Variants in HSPA4 observed in about 807,000 individuals in gnomAD.
The protein encoded by HSPA4 is heat shock 70 kDa protein 4.
A neutral mutation model predicts 106.2 loss-of-function variants in HSPA4; 25 were observed. That is an observed-to-expected ratio of 0.24 (90% CI 0.17 to 0.33). HSPA4 has a LOEUF of 0.33. HSPA4 is among the 10% of genes least tolerant of loss of function. HSPA4 has a pLI of 1.00. For synonymous variants in HSPA4, 332 were observed against 333.6 expected, an observed-to-expected ratio of 1.00 and a Z score of 0.05; for missense variants, 841 against 996.0, an observed-to-expected ratio of 0.84 and a Z score of 2.10.
At chr5:133,091,409 C>A in intron 12 of HSPA4, 35 bp downstream of exon 12, 2 of 1,518,072 alleles carry the variant, frequency 1.3e-6, no homozygotes, top group Admixed American at 3.7e-5. Flanking sequence ...TGTGATGGCC[C>A]AGAGGTGACT....
intron 7 of HSPA4, among the ~76,000 whole-genome samples, chr5:133,085,489 T>TTAAAAAAAAAAAAAAAAAAAAAAAAAAA (rs1554089513): frequency 9.1e-6 from 1 of 110,284 alleles, no homozygotes; most frequent in African/African-American, 5.0e-5. Flanking sequence ...CCATCTCTAC[T>TTAAAAAAAAAAAAAAAAAAAAAAAAAAA]AAAAAAAAAA....
At chr5:133,081,220 G>A (rs978156793) in intron 7 of HSPA4, among the ~76,000 whole-genome samples, 4 of 152,098 alleles carry the variant, frequency 2.6e-5, no homozygotes, top group East Asian at 1.9e-4. Flanking sequence ...GCTAATTTTC[G>A]TATTTTTAGT....
chr5:133,082,758 G>T (rs1400432196), intron 7 of HSPA4, among the ~76,000 whole-genome samples: 1 of 152,150 alleles, frequency 6.6e-6, no homozygotes. Context: ...ACCTCACCCG[G>T]ACGGGAATTA....
intron 15 of HSPA4, 99 bp downstream of exon 15, chr5:133,097,385 T>G (rs558586392): frequency 1.9e-6 from 2 of 1,046,646 alleles, no homozygotes; most frequent in East Asian, 2.5e-5. Flanking sequence ...ATAGTAGAAT[T>G]ATTAAAAATG....
At chr5:133,071,676 A>G (rs565769451) in intron 4 of HSPA4, among the ~76,000 whole-genome samples, 2 of 152,240 alleles carry the variant, frequency 1.3e-5, no homozygotes, top group African/African-American at 4.8e-5. Flanking sequence ...ATGTTGGTGC[A>G]TTGATTGGCA....
chr5:133,103,399 C>T (rs960034670), intron 17 of HSPA4, among the ~76,000 whole-genome samples: 10 of 151,722 alleles, frequency 6.6e-5, no homozygotes, highest in African/African-American at 1.2e-4. Context: ...GATGTAGTCT[C>T]GCTCTGTTGC....
chr5:133,081,756 A>G (rs1209457705), intron 7 of HSPA4, among the ~76,000 whole-genome samples: 1 of 152,190 alleles, frequency 6.6e-6, no homozygotes, highest in African/African-American at 2.4e-5. Context: ...GGCATATTTC[A>G]TTACCTAGTT....
At chr5:133,066,422 T>G (rs924983776) in intron 2 of HSPA4, among the ~76,000 whole-genome samples, 3 of 152,238 alleles carry the variant, frequency 2.0e-5, no homozygotes, top group Non-Finnish European at 4.4e-5. Context: ...TAAATTGTGA[T>G]AGTTTATTCT....
chr5:133,076,892 T>C lies in HSPA4; in HGVS notation c.902T>C (p.Met301Thr). 4 of 1,608,954 alleles carry C rather than the reference T, an allele frequency of 2.5e-6. No homozygotes were observed. The highest frequency in any genetic ancestry group is 3.4e-6 in the Non-Finnish European group (4 of 1,175,642). ...AATGATGTTGATGTATCTGGAACTA[T>C]GAATAGGTAAGTATATTACTATTTC... The part of the protein sequence containing the change: ...FMNDVDVSGT[M>T]NRGKFLEMCN... The change falls in exon 7 of 19, where the codon ATG becomes ACG. Residue 301 changes from methionine to threonine, a missense_variant. Met to Thr is a moderately conservative substitution (Grantham distance 81, BLOSUM62 -1). Coordinates refer to ENST00000304858, the MANE Select transcript of HSPA4 (RefSeq NM_002154.4).
chr5:133,100,937 C>G (rs1765777014), intron 16 of HSPA4, among the ~76,000 whole-genome samples: 1 of 152,132 alleles, frequency 6.6e-6, no homozygotes, highest in Admixed American at 6.5e-5. Context: ...TCCCAAGTAG[C>G]TAGGACTACA....
At chr5:133,089,786 G>T in intron 11 of HSPA4, 91 bp downstream of exon 11, 1 of 1,043,418 alleles carries the variant, frequency 9.6e-7, no homozygotes. Flanking sequence ...GGCTAAGGTG[G>T]GAGGATCACT....
At chr5:133,086,330 G>T (rs942030823) in intron 7 of HSPA4, among the ~76,000 whole-genome samples, 2 of 152,146 alleles carry the variant, frequency 1.3e-5, no homozygotes, top group Non-Finnish European at 2.9e-5. Flanking sequence ...TACCTATTCT[G>T]AATATTTCAC....
intron 16 of HSPA4, chr5:133,101,549 C>A: frequency 2.3e-6 from 1 of 438,096 alleles, no homozygotes; most frequent in Non-Finnish European, 4.0e-6. Flanking sequence ...GCTCAGGTGA[C>A]AAATTGAAGC....
intron 10 of HSPA4, 90 bp downstream of exon 10, chr5:133,089,251 T>A: frequency 1.3e-6 from 1 of 747,274 alleles, no homozygotes; most frequent in South Asian, 2.2e-5. Flanking sequence ...TTTACATAAA[T>A]CTGTAACATT....
chr5:133,078,380 C>G (rs1259280043), intron 7 of HSPA4, among the ~76,000 whole-genome samples: 1 of 151,728 alleles, frequency 6.6e-6, no homozygotes, highest in Non-Finnish European at 1.5e-5. Flanking sequence ...GTGGCTCACT[C>G]CTGTAATCCC....
At chr5:133,098,283 T>C (rs1413605663) in intron 15 of HSPA4, among the ~76,000 whole-genome samples, 1 of 152,156 alleles carries the variant, frequency 6.6e-6, no homozygotes, top group Non-Finnish European at 1.5e-5. Flanking sequence ...GGTGTGTATA[T>C]ACCACGTTTT....
At chr5:133,052,950 T>A (rs1270071713) in intron 1 of HSPA4, 1 of 152,380 alleles carries the variant, frequency 6.6e-6, no homozygotes, top group Admixed American at 6.5e-5. Flanking sequence ...AGGAATTTAA[T>A]AAAATCGGTG....
intron 7 of HSPA4, among the ~76,000 whole-genome samples, chr5:133,078,847 C>T (rs1350473985): frequency 6.6e-6 from 1 of 151,940 alleles, no homozygotes; most frequent in Non-Finnish European, 1.5e-5. Flanking sequence ...GATCCTCCTG[C>T]CTCAGTCTCC....
chr5:133,067,546 A>G lies in HSPA4; in HGVS notation c.295A>G (p.Thr99Ala), dbSNP rs769641494. The G allele has an allele frequency of 1.2e-6, 2 of 1,613,390 alleles. No individual in the cohort carries two copies. Among genetic ancestry groups the G allele is most frequent in the South Asian group, 2.2e-5 (2 of 90,872 alleles). ...TATTGTGCAGTTGCCTACAGGATTA[A>G]CAGGTATAAAGGTAAGGTTGTCAGG... is the stretch of plus-strand genomic sequence containing the variant. ...YDIVQLPTGL[T>A]GIKVTYMEEE... Residue 99 changes from threonine (T) to alanine (A), a missense_variant, in exon 3 of 19, where the codon ACA becomes GCA. Thr to Ala is a moderately conservative substitution (Grantham distance 58). Coordinates refer to ENST00000304858, the MANE Select transcript of HSPA4 (RefSeq NM_002154.4).
Sources: allele counts gnomAD v4.1 joint callset (sites outside exome capture counted in the v4.1 genomes callset), GRCh38; gene constraint gnomAD v4.1.1; transcripts MANE v1.5; gene names NCBI Gene and HGNC (gene_info 2026-07-23, HGNC 2026-07-21).